NRXN3: variants seen among roughly 807,000 people sequenced by gnomAD.
NRXN3 encodes neurexin 3, also known as neurexin III.
In NRXN3, 32 loss-of-function variants were observed where a neutral mutation model predicts 137.6. The ratio of observed to expected loss-of-function variants is 0.23; its 90% CI spans 0.18 to 0.31. The LOEUF (loss-of-function observed/expected upper bound fraction) is 0.31, where lower values mean the gene tolerates loss of function less well. Among genes scored for constraint, NRXN3 ranks in the 10% least tolerant of loss-of-function variants. The pLI is 1.00. For synonymous variants in NRXN3, 798 were observed against 784.5 expected, an observed-to-expected ratio of 1.02 and a Z score of -0.29; for missense variants, 1,574 against 2,062.5, an observed-to-expected ratio of 0.76 and a Z score of 4.59.
At chr14:78,689,348 T>A (rs2098150063) in intron 6 of NRXN3, among the ~76,000 whole-genome samples, 1 of 152,174 alleles carries the variant, frequency 6.6e-6, no homozygotes, top group Non-Finnish European at 1.5e-5. Context: ...TTCAGAGCTA[T>A]TTTTCATAAT....
At chr14:78,858,684 C>T (rs1447875768) in intron 10 of NRXN3, among the ~76,000 whole-genome samples, 3 of 152,138 alleles carry the variant, frequency 2.0e-5, no homozygotes, top group East Asian at 1.9e-4. Context: ...ATTTGACGTA[C>T]GTTTAAGTTC....
chr14:79,702,345 T>G (rs987707626), intron 19 of NRXN3, among the ~76,000 whole-genome samples: 3 of 152,042 alleles, frequency 2.0e-5, no homozygotes, highest in Non-Finnish European at 4.4e-5. Context: ...CAAGAGGGTT[T>G]GACATGAGCT....
At chr14:79,231,720 C>T (rs2072235966) in intron 15 of NRXN3, among the ~76,000 whole-genome samples, 1 of 152,176 alleles carries the variant, frequency 6.6e-6, no homozygotes, top group Admixed American at 6.5e-5. Flanking sequence ...AATTTTGTCA[C>T]TTATTACCAG....
At chr14:78,350,087 A>C (rs1253941643) in intron 4 of NRXN3, among the ~76,000 whole-genome samples, 3 of 152,200 alleles carry the variant, frequency 2.0e-5, no homozygotes, top group Admixed American at 6.5e-5. Context: ...CAGGAGTTTG[A>C]GACCAGCTTG....
At chr14:79,463,428 C>T (rs889591638) in intron 15 of NRXN3, among the ~76,000 whole-genome samples, 1 of 151,688 alleles carries the variant, frequency 6.6e-6, no homozygotes, top group Admixed American at 6.6e-5. Context: ...AGTAGTTAGC[C>T]AATTATGAAA....
At chr14:78,782,699 C>A (rs887511955) in intron 8 of NRXN3, among the ~76,000 whole-genome samples, 6 of 152,202 alleles carry the variant, frequency 3.9e-5, no homozygotes, top group Admixed American at 6.5e-5. Context: ...CTCCCAAAAG[C>A]TAATGAGTCA....
At chr14:78,218,138 A>G (rs1397616947) in intron 1 of NRXN3, among the ~76,000 whole-genome samples, 1 of 152,010 alleles carries the variant, frequency 6.6e-6, no homozygotes, top group Non-Finnish European at 1.5e-5. Context: ...AAAGGCCTTT[A>G]TTTGAGGCCC....
intron 4 of NRXN3, among the ~76,000 whole-genome samples, chr14:78,598,981 G>A (rs572591539): frequency 1.3e-5 from 2 of 152,242 alleles, no homozygotes; most frequent in South Asian, 4.1e-4. Flanking sequence ...GGCTCAGGCA[G>A]AGAGTTCTTA....
At chr14:79,259,392 A>G (rs537545004) in intron 15 of NRXN3, among the ~76,000 whole-genome samples, 9 of 151,794 alleles carry the variant, frequency 5.9e-5, no homozygotes, top group African/African-American at 2.2e-4. Flanking sequence ...TGACTTTCCA[A>G]TGTAGGGCTT....
At position 78,912,026 on chromosome 14, in the gene NRXN3, C is replaced by T. The variant is rs7160908; in HGVS notation, c.2276-45216C>T. Among the ~76,000 whole-genome samples the T allele has an allele frequency of 5.7e-3, 854 of 151,060 alleles. 12 individuals carry two copies. The highest frequency in any genetic ancestry group is 0.02 in the African/African-American group (807 of 40,740). On this transcript the variant is annotated intron_variant, in intron 10 of 20. Coordinates refer to ENST00000335750, the MANE Select transcript of NRXN3 (RefSeq NM_001330195.2). ...TGTTGGTGTGCTGCACCCATTAACT[C>T]GTCATTTAGCATTAGGTATATCTCC...
intron 4 of NRXN3, among the ~76,000 whole-genome samples, chr14:78,478,069 T>G (rs1237545741): frequency 1.3e-5 from 2 of 152,196 alleles, no homozygotes; most frequent in African/African-American, 2.4e-5. Context: ...GCTTTCTAAC[T>G]TGAAGAATAT....
chr14:78,486,407 G>C lies in NRXN3; in HGVS notation c.758-158713G>C, dbSNP rs371498462. On this transcript the variant is annotated intron_variant, in intron 4 of 20. Transcript: ENST00000335750. ...TCTCAGAAGGCTAACTTATAGTCCA[G>C]GTATGTGTGCACTCTGCCCATTCAG... 1.3e-3 allele frequency among the ~76,000 whole-genome samples: 205 copies of C among 152,318 alleles called. 6 individuals are homozygous for C. The South Asian group carries it at 0.04, about 30-fold the overall frequency.
intron 16 of NRXN3, among the ~76,000 whole-genome samples, chr14:79,522,967 C>T (rs2153705254): frequency 6.8e-6 from 1 of 147,888 alleles, no homozygotes; most frequent in East Asian, 2.1e-4. Context: ...CAACTCCCTT[C>T]TCAATTCTTT....
intron 15 of NRXN3, among the ~76,000 whole-genome samples, chr14:79,273,834 C>T (rs1043167760): frequency 6.6e-6 from 1 of 151,756 alleles, no homozygotes; most frequent in Non-Finnish European, 1.5e-5. Flanking sequence ...TGATGGCTCA[C>T]ACCTGTAATG....
intron 1 of NRXN3, among the ~76,000 whole-genome samples, chr14:78,187,433 C>A (rs1040028552): frequency 5.3e-5 from 8 of 151,992 alleles, no homozygotes; most frequent in African/African-American, 1.9e-4. Context: ...AGAGGTAATA[C>A]CATCATCTTT....
At chr14:79,743,034 A>G (rs2098967947) in intron 19 of NRXN3, among the ~76,000 whole-genome samples, 1 of 152,202 alleles carries the variant, frequency 6.6e-6, no homozygotes, top group South Asian at 2.1e-4. Context: ...GGGTCAGGGT[A>G]GGCAGGCAGT....
chr14:78,925,368 G>A (rs2099284685), intron 10 of NRXN3, among the ~76,000 whole-genome samples: 2 of 152,264 alleles, frequency 1.3e-5, no homozygotes, highest in South Asian at 4.1e-4. Flanking sequence ...GATATACGAA[G>A]AAAATAAAAG....
At chr14:78,787,380 C>T (rs757540158) in intron 8 of NRXN3, among the ~76,000 whole-genome samples, 36 of 152,028 alleles carry the variant, frequency 2.4e-4, no homozygotes, top group Non-Finnish European at 3.7e-4. Context: ...AAATCAAAAG[C>T]GTTAACCACT....
In NRXN3 at chr14:78,659,547, T is replaced by C. The variant is rs139329813; in HGVS notation, c.1221+8221T>C. ...CATAAAAAAATTTAGCTGGGCATGG[T>C]GGCACACGCCTGTGGTCCCAGGTAT... On this transcript the variant is annotated intron_variant, in intron 6 of 20. Coordinates refer to ENST00000335750, the MANE Select transcript of NRXN3 (RefSeq NM_001330195.2). Among the ~76,000 whole-genome samples the C allele has an allele frequency of 1.9e-3, 293 of 151,988 alleles. 1 individual carries two copies. Among genetic ancestry groups the C allele is most frequent in the African/African-American group, 6.8e-3 (282 of 41,468 alleles).
Sources: allele counts gnomAD v4.1 joint callset (sites outside exome capture counted in the v4.1 genomes callset), GRCh38; gene constraint gnomAD v4.1.1; transcripts MANE v1.5; gene names NCBI Gene and HGNC (gene_info 2026-07-23, HGNC 2026-07-21).